The following TOM1L2 variants were observed in gnomAD, a reference collection of about 807,000 sequenced individuals.
The protein encoded by TOM1L2 is target of myb1 like 2 membrane trafficking protein, also known as TOM1-like protein 2.
TOM1L2 carries 31 observed loss-of-function variants against 67.9 expected under a neutral mutation model. The observed-to-expected ratio is 0.46, with a 90% CI of 0.34 to 0.62. TOM1L2 has a LOEUF of 0.62. Among genes scored for constraint, TOM1L2 ranks in the 20% least tolerant of loss-of-function variants. The probability of loss-of-function intolerance (pLI) is 0.01; values close to 1 mark genes in which losing one functional copy is unlikely to be tolerated. For missense variants in TOM1L2, 606 were observed against 663.5 expected (o/e 0.91, Z 0.95); for synonymous variants, 256 against 254.0 (o/e 1.01, Z -0.07).
intron 12 of TOM1L2, among the ~76,000 whole-genome samples, chr17:17,855,204 G>A (rs1282337178): frequency 6.6e-6 from 1 of 152,176 alleles, no homozygotes. Flanking sequence ...TCTGCCTCAG[G>A]GATCAGGAGG....
chr17:17,882,181 G>A (rs1445643353), intron 6 of TOM1L2, among the ~76,000 whole-genome samples: 1 of 152,330 alleles, frequency 6.6e-6, no homozygotes, highest in Non-Finnish European at 1.5e-5. Context: ...ACAGGCCTCT[G>A]ATGGCTGACT....
chr17:17,965,930 G>T (rs907690061), intron 1 of TOM1L2, among the ~76,000 whole-genome samples: 1 of 152,130 alleles, frequency 6.6e-6, no homozygotes, highest in African/African-American at 2.4e-5. Context: ...AGACCAACGT[G>T]GTCAACATGG....
intron 2 of TOM1L2, among the ~76,000 whole-genome samples, chr17:17,903,367 T>C (rs1598301667): frequency 1.3e-5 from 2 of 152,296 alleles, no homozygotes; most frequent in Middle Eastern, 3.4e-3. Flanking sequence ...CTCACGCCTG[T>C]AATCCCAGCA....
At chr17:17,972,181 C>A in intron 1 of TOM1L2, 81 bp downstream of exon 1, 1 of 1,517,540 alleles carries the variant, frequency 6.6e-7, no homozygotes, top group Non-Finnish European at 8.9e-7. Context: ...GTGGCACCGG[C>A]GCCCGGCGGA....
chr17:17,865,008 AAGAC>A (rs2036771576), intron 10 of TOM1L2, among the ~76,000 whole-genome samples: 1 of 152,252 alleles, frequency 6.6e-6, no homozygotes, highest in African/African-American at 2.4e-5. Context: ...ACAGAAAAGC[AAGAC>A]AGAGGAAAGA....
At chr17:17,890,360 T>C (rs1163225431) in intron 4 of TOM1L2, among the ~76,000 whole-genome samples, 2 of 152,090 alleles carry the variant, frequency 1.3e-5, no homozygotes, top group East Asian at 3.9e-4. Flanking sequence ...AAATTGCTAA[T>C]ATTTGGCCAT....
chr17:17,860,874 AC>A (rs1568079536), intron 12 of TOM1L2, among the ~76,000 whole-genome samples: 1 of 151,644 alleles, frequency 6.6e-6, no homozygotes, highest in African/African-American at 2.4e-5. Flanking sequence ...ACTGTGCCGC[AC>A]CCCCTCACCG....
chr17:17,905,632 A>G (rs1177527437), intron 2 of TOM1L2, among the ~76,000 whole-genome samples: 2 of 152,084 alleles, frequency 1.3e-5, no homozygotes, highest in Non-Finnish European at 2.9e-5. Flanking sequence ...TCGAACTCCT[A>G]GGCGTAAGCA....
Position 17,869,478 on chromosome 17 carries a change from G to A in TOM1L2, c.778-5C>T, listed in dbSNP as rs757287930. ...CCGACAGGTCCTGTTGAGCTCCTAG[G>A]GAACACATGCACCTCTGGGTAGCCT... On this transcript the variant is annotated splice_region_variant and splice_polypyrimidine_tract_variant and intron_variant, in intron 7 of 14. Coordinates refer to ENST00000379504, the MANE Select transcript of TOM1L2 (RefSeq NM_001082968.2). 6.2e-7 allele frequency: 1 copy of A among 1,601,660 alleles called. No homozygotes were observed. The highest frequency in any genetic ancestry group is 8.5e-7 in the Non-Finnish European group (1 of 1,173,240).
At chr17:17,940,436 G>A (rs1025805144) in intron 1 of TOM1L2, among the ~76,000 whole-genome samples, 4 of 152,128 alleles carry the variant, frequency 2.6e-5, no homozygotes, top group Non-Finnish European at 5.9e-5. Flanking sequence ...CTGCCAATAT[G>A]AGGGAGAATT....
chr17:17,942,314 C>T (rs2040766933), intron 1 of TOM1L2, among the ~76,000 whole-genome samples: 1 of 152,070 alleles, frequency 6.6e-6, no homozygotes, highest in Non-Finnish European at 1.5e-5. Context: ...AGGATGGGGG[C>T]CTTGGGGTCA....
chr17:17,897,015 G>C (rs907447683), intron 3 of TOM1L2, among the ~76,000 whole-genome samples: 1 of 152,190 alleles, frequency 6.6e-6, no homozygotes, highest in Non-Finnish European at 1.5e-5. Flanking sequence ...GGTTTGTAGT[G>C]AAGACCTAAC....
At chr17:17,927,304 T>C (rs915688473) in intron 1 of TOM1L2, among the ~76,000 whole-genome samples, 2 of 152,196 alleles carry the variant, frequency 1.3e-5, no homozygotes, top group African/African-American at 2.4e-5. Flanking sequence ...ACAGCTGGGT[T>C]TACCATGTGA....
In TOM1L2 at chr17:17,850,852, G is replaced by A. The variant is rs184710098; in HGVS notation, c.1338+41C>T. ...GCCTGTCCTCAGAAGAGCCTCTGCC[G>A]CTCCACACCCCACAGATGAAATAGA... On this transcript the variant is annotated intron_variant, in intron 13 of 14. Coordinates refer to ENST00000379504, the MANE Select transcript of TOM1L2 (RefSeq NM_001082968.2). The A allele has an allele frequency of 4.1e-4, 653 of 1,607,830 alleles. 4 individuals carry two copies. In the African/African-American group the frequency reaches 7.7e-3, roughly 19 times the overall value.
chr17:17,908,843 T>C (rs923699829), intron 1 of TOM1L2, among the ~76,000 whole-genome samples: 3 of 152,098 alleles, frequency 2.0e-5, no homozygotes, highest in African/African-American at 7.2e-5. Flanking sequence ...TTGATGGAAA[T>C]GTAAAATGAT....
At chr17:17,912,744 G>T (rs1294910007) in intron 1 of TOM1L2, among the ~76,000 whole-genome samples, 2 of 152,034 alleles carry the variant, frequency 1.3e-5, no homozygotes, top group African/African-American at 4.8e-5. Flanking sequence ...CCAGACGATG[G>T]GCGGCCAGGC....
intron 1 of TOM1L2, among the ~76,000 whole-genome samples, chr17:17,915,398 G>A (rs2039584998): frequency 6.6e-6 from 1 of 152,106 alleles, no homozygotes. Context: ...TCCCAGTGTG[G>A]TTTTGTTTTG....
rs879370455 is a variant in TOM1L2, at chr17:17,935,872, TC to T, written c.53-28342del. Among the ~76,000 whole-genome samples, 157 of 152,284 alleles carry T rather than the reference TC, an allele frequency of 1.0e-3. 1 individual carries two copies. The highest frequency in any genetic ancestry group is 1.8e-3 in the Admixed American group (28 of 15,294). Reference sequence around the variant, plus strand: ...ACTTCCACCTATCAATTTAGCAAATTCTGAGGAATGACTCACACTGGTGGTG... The same window carrying T: ...ACTTCCACCTATCAATTTAGCAAATTTGAGGAATGACTCACACTGGTGGTG... On this transcript the variant is annotated intron_variant, in intron 1 of 14. Transcript: ENST00000379504.
At chr17:17,971,291 G>A (rs1317668800) in intron 1 of TOM1L2, among the ~76,000 whole-genome samples, 1 of 152,104 alleles carries the variant, frequency 6.6e-6, no homozygotes, top group Non-Finnish European at 1.5e-5. Context: ...GACAGACAGG[G>A]GAACTTCAAA....
Sources: allele counts gnomAD v4.1 joint callset (sites outside exome capture counted in the v4.1 genomes callset), GRCh38; gene constraint gnomAD v4.1.1; transcripts MANE v1.5; gene names NCBI Gene and HGNC (gene_info 2026-07-23, HGNC 2026-07-21).